The following TNIK variants were observed in gnomAD, a reference collection of about 807,000 sequenced individuals.
TNIK encodes TRAF2 and NCK interacting kinase, also known as TRAF2 and NCK-interacting protein kinase.
Under a neutral mutation model 191.3 loss-of-function variants are expected in TNIK, and 49 were observed. The ratio of observed to expected loss-of-function variants is 0.26; its 90% CI spans 0.20 to 0.32. TNIK has a LOEUF of 0.32. Ranked by LOEUF, TNIK falls within the 10% of genes least tolerant of loss-of-function variation. The probability of loss-of-function intolerance (pLI) is 1.00; values close to 1 mark genes in which losing one functional copy is unlikely to be tolerated. For missense variants in TNIK, 1,155 were observed against 1,702.3 expected (o/e 0.68, Z 5.66); for synonymous variants, 594 against 600.9 (o/e 0.99, Z 0.17).
At chr3:171,310,786 C>T (rs1174163399) in intron 2 of TNIK, among the ~76,000 whole-genome samples, 1 of 152,004 alleles carries the variant, frequency 6.6e-6, no homozygotes, top group Non-Finnish European at 1.5e-5. Context: ...TCTACTAGTC[C>T]CTCACCTTAC....
In TNIK at chr3:171,302,369, A is replaced by G. The variant is rs140779381; in HGVS notation, c.123+67251T>C. Among the ~76,000 whole-genome samples the G allele has an allele frequency of 2.1e-3, 320 of 152,330 alleles. 2 individuals carry two copies. Among genetic ancestry groups the G allele is most frequent in the African/African-American group, 7.3e-3 (305 of 41,572 alleles). On this transcript the variant is annotated intron_variant, in intron 2 of 32. Transcript: ENST00000436636. The stretch of plus-strand genomic sequence containing the variant: ...TAGTGTATCTATAGACTTAGAATAA[A>G]TATGCTTCAGAAAGTGGATAACTTC...
chr3:171,423,388 G>A (rs552256232), intron 1 of TNIK, among the ~76,000 whole-genome samples: 9 of 152,190 alleles, frequency 5.9e-5, no homozygotes, highest in Admixed American at 2.0e-4. Flanking sequence ...AATCAATATC[G>A]TGAAAATGGC....
intron 7 of TNIK, among the ~76,000 whole-genome samples, chr3:171,180,536 G>T (rs1159004973): frequency 6.6e-6 from 1 of 152,154 alleles, no homozygotes; most frequent in Admixed American, 6.5e-5. Flanking sequence ...ACTGCTCCTG[G>T]CACACAGTAG....
At chr3:171,237,758 T>TA (rs1744469882) in intron 2 of TNIK, among the ~76,000 whole-genome samples, 1 of 151,998 alleles carries the variant, frequency 6.6e-6, no homozygotes. Context: ...CCCGTCTCTA[T>TA]AAAAAATCTA....
At chr3:171,203,752 G>A (rs1416691430) in intron 4 of TNIK, among the ~76,000 whole-genome samples, 1 of 152,146 alleles carries the variant, frequency 6.6e-6, no homozygotes, top group African/African-American at 2.4e-5. Flanking sequence ...TGGTTCTCCC[G>A]AGGTTTGACT....
In TNIK at chr3:171,375,620, C is replaced by T. The variant is rs74910049; in HGVS notation, c.58-5935G>A. On this transcript the variant is annotated intron_variant, in intron 1 of 32. Transcript: ENST00000436636. ...ATTTAAGATCTAGGGTTTGATATTC[C>T]CTGCCACTAGGTTATGCTTTAATTC... Among the ~76,000 whole-genome samples the T allele has an allele frequency of 1.4e-4, 21 of 152,246 alleles. No homozygotes were observed. The East Asian group carries it at 4.1e-3, about 29-fold the overall frequency.
intron 4 of TNIK, among the ~76,000 whole-genome samples, chr3:171,210,452 G>C (rs914884616): frequency 2.6e-5 from 4 of 152,340 alleles, no homozygotes; most frequent in East Asian, 1.9e-4. Context: ...CAGCCAATTA[G>C]AGCTGCCTCT....
intron 4 of TNIK, among the ~76,000 whole-genome samples, chr3:171,201,383 G>T (rs944908461): frequency 6.6e-6 from 1 of 152,062 alleles, no homozygotes; most frequent in South Asian, 2.1e-4. Flanking sequence ...TGGGCAACAA[G>T]AGCGAAACTC....
chr3:171,075,801 A>T (rs992853722), intron 28 of TNIK, among the ~76,000 whole-genome samples: 1 of 149,818 alleles, frequency 6.7e-6, no homozygotes, highest in Non-Finnish European at 1.5e-5. Context: ...CAGTGGCACC[A>T]TCTCGGCTCA....
intron 2 of TNIK, among the ~76,000 whole-genome samples, chr3:171,346,688 A>G (rs1712254943): frequency 6.6e-6 from 1 of 151,134 alleles, no homozygotes; most frequent in Admixed American, 6.6e-5. Flanking sequence ...GTTTTGTGAG[A>G]AAGTGACATG....
Position 171,415,687 on chromosome 3 carries a change from TA to T in TNIK, c.57+44319del, listed in dbSNP as rs1264992599. On this transcript the variant is annotated intron_variant, in intron 1 of 32. Coordinates refer to ENST00000436636, the MANE Select transcript of TNIK (RefSeq NM_015028.4). ...CTGGACCTAATGCCAATCAGTTGAT[TA>T]AAAAAAAATTAGCTGGGCACGATGA... Among the ~76,000 whole-genome samples, 7 of 150,978 alleles carry T rather than the reference TA, an allele frequency of 4.6e-5. No homozygotes were observed. In the South Asian group the frequency reaches 1.0e-3, roughly 23 times the overall value.
At chr3:171,367,508 C>T (rs562598018) in intron 2 of TNIK, among the ~76,000 whole-genome samples, 160 of 152,102 alleles carry the variant, frequency 1.1e-3, no homozygotes, top group Non-Finnish European at 1.9e-3. Context: ...CCCACTCTCT[C>T]GCCCAGACTG....
intron 18 of TNIK, 24 bp from the exon 19 acceptor site, chr3:171,110,901 G>T: frequency 1.3e-6 from 2 of 1,579,234 alleles, no homozygotes; most frequent in Non-Finnish European, 1.7e-6. Flanking sequence ...AGAGCACACT[G>T]GTTACACTCT....
At chr3:171,245,332 T>C (rs1444138125) in intron 2 of TNIK, among the ~76,000 whole-genome samples, 1 of 152,132 alleles carries the variant, frequency 6.6e-6, no homozygotes, top group Non-Finnish European at 1.5e-5. Context: ...CACAATTGGG[T>C]AAAACTGTCA....
intron 2 of TNIK, among the ~76,000 whole-genome samples, chr3:171,282,224 AAAG>A (rs1258942557): frequency 6.6e-6 from 1 of 152,130 alleles, no homozygotes; most frequent in East Asian, 1.9e-4. Context: ...CAAAGAGGAG[AAAG>A]AAGAGCCAGC....
At position 171,280,787 on chromosome 3, in the gene TNIK, A is replaced by C. The variant is rs1750340326; in HGVS notation, c.124-52566T>G. ...AAATGTTCTTAATATCAGATCTATA[A>C]GCTTTAAGACTATCCTGTTACCATA... On this transcript the variant is annotated intron_variant, in intron 2 of 32. Transcript: ENST00000436636. Among the ~76,000 whole-genome samples the C allele has an allele frequency of 2.6e-5, 4 of 152,222 alleles. No individual in the cohort carries two copies. In the South Asian group the frequency reaches 8.3e-4, roughly 31 times the overall value.
rs1265814418 is a variant in TNIK, at chr3:171,101,573, T to C, written c.2467A>G (p.Met823Val). The change falls in exon 22 of 33, where the codon ATG (methionine) becomes GTG (valine). Residue 823 changes from methionine (M) to valine (V), a missense_variant. This residue lies in a region of TNIK where 735 missense variants were observed against 848.0 expected (regional missense o/e 0.87). Coordinates refer to ENST00000436636, the MANE Select transcript of TNIK (RefSeq NM_015028.4). Reference sequence around the variant, plus strand: ...GAGGAGTAATCAGTCACCTTCTTCATTGGGCGGTTTGTTTCTTCAATCCGG... The same window carrying C: ...GAGGAGTAATCAGTCACCTTCTTCACTGGGCGGTTTGTTTCTTCAATCCGG... Reference protein sequence around the residue: ...ELRIEETNRPMKKVTDYSSSS... With the variant: ...ELRIEETNRPVKKVTDYSSSS... The C allele has an allele frequency of 8.7e-6, 14 of 1,613,298 alleles. No individual in the cohort carries two copies. The highest frequency in any genetic ancestry group is 1.7e-5 in the Admixed American group (1 of 59,936).
intron 1 of TNIK, among the ~76,000 whole-genome samples, chr3:171,441,454 G>T (rs1466426289): frequency 6.6e-6 from 1 of 152,142 alleles, no homozygotes; most frequent in Admixed American, 6.5e-5. Flanking sequence ...AACATTTTGA[G>T]GTTCATGCAT....
intron 22 of TNIK, among the ~76,000 whole-genome samples, chr3:171,097,683 C>T (rs1722913616): frequency 6.6e-6 from 1 of 152,154 alleles, no homozygotes; most frequent in Admixed American, 6.5e-5. Flanking sequence ...GATTGTGAGG[C>T]CCCCCTAGCC....
Sources: gnomAD v4.1 joint callset for allele counts (sites outside exome capture counted in the v4.1 genomes callset) on GRCh38, gnomAD v4.1.1 for gene constraint, gnomAD v4.1.1 regional missense constraint, MANE v1.5 for transcripts, NCBI Gene and HGNC (gene_info 2026-07-23, HGNC 2026-07-21) for gene names.